The following DYNC2H1 variants were observed in gnomAD, a reference collection of about 807,000 sequenced individuals.
DYNC2H1 encodes the protein dynein cytoplasmic 2 heavy chain 1.
Under a neutral mutation model 570.0 loss-of-function variants are expected in DYNC2H1, and 410 were observed. The ratio of observed to expected loss-of-function variants is 0.72; its 90% CI spans 0.66 to 0.78. The LOEUF (loss-of-function observed/expected upper bound fraction) is 0.78. DYNC2H1 is among the 30% of genes least tolerant of loss of function. The probability of loss-of-function intolerance (pLI) is 0.00; values close to 1 mark genes in which losing one functional copy is unlikely to be tolerated. For synonymous variants in DYNC2H1, 1,688 were observed against 1,677.6 expected (o/e 1.01, Z -0.15); for missense variants, 4,865 against 5,046.4 (o/e 0.96, Z 1.09).
At chr11:103,357,926 G>A (rs71480486) in intron 82 of DYNC2H1, among the ~76,000 whole-genome samples, 1 of 152,022 alleles carries the variant, frequency 6.6e-6, no homozygotes, top group Non-Finnish European at 1.5e-5. Flanking sequence ...CTCTAGCCTG[G>A]GTGTCTGAGC....
At chr11:103,317,278 T>G (rs1277468931) in intron 80 of DYNC2H1, among the ~76,000 whole-genome samples, 1 of 152,114 alleles carries the variant, frequency 6.6e-6, no homozygotes, top group Non-Finnish European at 1.5e-5. Flanking sequence ...CCAAATACTT[T>G]TTCCTGATTC....
At chr11:103,377,284 T>C (rs1941430289) in intron 83 of DYNC2H1, among the ~76,000 whole-genome samples, 2 of 152,180 alleles carry the variant, frequency 1.3e-5, no homozygotes, top group South Asian at 4.1e-4. Flanking sequence ...ATAAGACCCA[T>C]AGGCTTTCTT....
At chr11:103,387,643 T>G (rs1313003403) in intron 83 of DYNC2H1, among the ~76,000 whole-genome samples, 1 of 152,236 alleles carries the variant, frequency 6.6e-6, no homozygotes, top group Non-Finnish European at 1.5e-5. Flanking sequence ...AGGTCAAACA[T>G]TTAAGTCTTT....
chr11:103,378,154 A>C (rs1227210228), intron 83 of DYNC2H1, among the ~76,000 whole-genome samples: 1 of 152,132 alleles, frequency 6.6e-6, no homozygotes, highest in African/African-American at 2.4e-5. Flanking sequence ...AAATATTTAT[A>C]ATTGTTATTA....
chr11:103,309,215 C>T (rs1474477032), intron 78 of DYNC2H1, among the ~76,000 whole-genome samples: 4 of 89,920 alleles, frequency 4.4e-5, no homozygotes, highest in Non-Finnish European at 9.3e-5. Context: ...CGCTCTGTTA[C>T]CCAGGCTGGA....
chr11:103,245,149 T>C lies in DYNC2H1; in HGVS notation c.9919-102T>C. Reference sequence around the variant, plus strand: ...ATTACCTATAGAATCTGAAATTGTGTTTCTATAACATTTTGAAATTACTGT... The same window carrying C: ...ATTACCTATAGAATCTGAAATTGTGCTTCTATAACATTTTGAAATTACTGT... On this transcript the variant is annotated intron_variant, in intron 64 of 88. Coordinates refer to ENST00000375735, the MANE Select transcript of DYNC2H1 (RefSeq NM_001377.3). The surrounding 1 kb of genome is among the most constrained non-coding windows in gnomAD (Gnocchi z 4.5). 1 of 1,023,114 alleles carries C rather than the reference T, an allele frequency of 9.8e-7. No individual in the cohort carries two copies. Among genetic ancestry groups the C allele is most frequent in the Non-Finnish European group, 1.4e-6 (1 of 726,148 alleles). The allele number at this position is 1,023,114 out of a possible 1,614,324, so 63.4% of individuals were successfully genotyped here. A position where few individuals can be genotyped will look rare whatever the true frequency, so the allele number is the denominator to read the frequency against.
rs533204470 is a variant in DYNC2H1, at chr11:103,470,664, T to A, written c.12765+1959T>A. 2.7e-3 allele frequency among the ~76,000 whole-genome samples: 413 copies of A among 152,214 alleles called. 3 individuals carry two copies. The highest frequency in any genetic ancestry group is 9.5e-3 in the African/African-American group (396 of 41,534). ...CCCACCTATGAGTGAGAACATGTGG[T>A]GTTTGGTTTTATGTCCTTGCGATAG... On this transcript the variant is annotated intron_variant, in intron 88 of 88. Transcript: ENST00000375735.
intron 12 of DYNC2H1, among the ~76,000 whole-genome samples, chr11:103,128,143 C>T (rs1859088164): frequency 6.6e-6 from 1 of 152,180 alleles, no homozygotes; most frequent in African/African-American, 2.4e-5. Flanking sequence ...GCAAGTTTGG[C>T]TCATTCTTTA....
intron 59 of DYNC2H1, among the ~76,000 whole-genome samples, chr11:103,227,541 G>C (rs637353): frequency 0.6 from 90,622 of 151,934 alleles, 27,352 homozygotes; most frequent in Admixed American, 0.69. Flanking sequence ...AGTGGTCTGA[G>C]AGAGTACTTG....
In DYNC2H1 at chr11:103,245,201, A is replaced by T; in HGVS notation, c.9919-50A>T. The T allele has an allele frequency of 7.3e-7, 1 of 1,372,468 alleles. No individual in the cohort carries two copies. Among genetic ancestry groups the T allele is most frequent in the African/African-American group, 1.5e-5 (1 of 67,498 alleles). 85.0% of individuals were successfully genotyped at this position (1,372,468 alleles called of 1,614,324 possible). ...GAAAATCAAAGAAAGGATGTTTGTA[A>T]ATATTAAAGTAATTAAATAATTAAT... On this transcript the variant is annotated intron_variant, in intron 64 of 88. Transcript: ENST00000375735. This position sits in a 1 kb window ranked among gnomAD's most constrained non-coding sequence, Gnocchi z 4.5.
At chr11:103,371,935 T>TTTTG (rs1480715432) in intron 83 of DYNC2H1, among the ~76,000 whole-genome samples, 1 of 145,004 alleles carries the variant, frequency 6.9e-6, no homozygotes, top group African/African-American at 2.5e-5. Context: ...GGGTTTTTTT[T>TTTTG]TTTTTTTTTT....
At position 103,439,436 on chromosome 11, in the gene DYNC2H1, C is replaced by T. The variant is rs951734999; in HGVS notation, c.12456+3404C>T. On this transcript the variant is annotated intron_variant, in intron 85 of 88. Transcript: ENST00000375735. This position sits in a 1 kb window ranked among gnomAD's most constrained non-coding sequence, Gnocchi z 4.1. ...AAGGAGGGGTGTTCAGGCTGGAGGG[C>T]AAGAGGGGCCAAATCATGATAATGT... 6.6e-6 allele frequency among the ~76,000 whole-genome samples: 1 copy of T among 151,978 alleles called. No homozygotes were observed. Among genetic ancestry groups the T allele is most frequent in the African/African-American group, 2.4e-5 (1 of 41,370 alleles).
chr11:103,393,239 A>C (rs1249595445), intron 83 of DYNC2H1, among the ~76,000 whole-genome samples: 1 of 152,208 alleles, frequency 6.6e-6, no homozygotes, highest in Non-Finnish European at 1.5e-5. Flanking sequence ...CCTGACACAT[A>C]GTCAGTACTC....
intron 83 of DYNC2H1, among the ~76,000 whole-genome samples, chr11:103,370,222 C>T (rs1941091106): frequency 6.6e-6 from 1 of 152,182 alleles, no homozygotes; most frequent in Admixed American, 6.5e-5. Context: ...ACGAGTGAGG[C>T]TCCTCTGCCT....
intron 72 of DYNC2H1, among the ~76,000 whole-genome samples, chr11:103,282,513 A>G (rs1565460109): frequency 1.3e-5 from 2 of 151,998 alleles, no homozygotes; most frequent in African/African-American, 2.4e-5. Flanking sequence ...ATAATCTTTA[A>G]GAAAATCAAA....
At chr11:103,470,745 T>C (rs904779940) in intron 88 of DYNC2H1, among the ~76,000 whole-genome samples, 6 of 152,348 alleles carry the variant, frequency 3.9e-5, no homozygotes, top group Middle Eastern at 3.4e-3. Flanking sequence ...GGACATGAAC[T>C]CATCATTTTT....
chr11:103,126,274 G>GATCCATACAAAA (rs1285936786), intron 12 of DYNC2H1, among the ~76,000 whole-genome samples: 1 of 152,050 alleles, frequency 6.6e-6, no homozygotes, highest in African/African-American at 2.4e-5. Flanking sequence ...TTTTTAGGGG[G>GATCCATACAAAA]CTGTGCTTTG....
At chr11:103,321,309 A>G in intron 81 of DYNC2H1, 72 bp downstream of exon 81, 1 of 1,321,348 alleles carries the variant, frequency 7.6e-7, no homozygotes, top group Non-Finnish European at 1.1e-6. Flanking sequence ...TGTTAAATAC[A>G]TGTTACTTCT....
intron 55 of DYNC2H1, among the ~76,000 whole-genome samples, chr11:103,218,516 T>A (rs1273614604): frequency 6.6e-6 from 1 of 152,216 alleles, no homozygotes; most frequent in Non-Finnish European, 1.5e-5. Context: ...AAAAAATCTG[T>A]CAATTATTTT....
Sources: allele counts gnomAD v4.1 joint callset (sites outside exome capture counted in the v4.1 genomes callset), GRCh38; gene constraint gnomAD v4.1.1; non-coding constraint Gnocchi (gnomAD v3.1); transcripts MANE v1.5; gene names NCBI Gene and HGNC (gene_info 2026-07-23, HGNC 2026-07-21).